Variants in MRPS31 observed in about 807,000 individuals in gnomAD.
The protein encoded by MRPS31 is small ribosomal subunit protein mS31.
MRPS31 carries 32 observed loss-of-function variants against 43.1 expected under a neutral mutation model. That is an observed-to-expected ratio of 0.74 (90% confidence interval 0.56 to 1.00). The LOEUF (loss-of-function observed/expected upper bound fraction) is 1.00. Ranked by LOEUF, MRPS31 falls within the 50% of genes least tolerant of loss-of-function variation. The pLI is 0.00. For synonymous variants in MRPS31, 165 were observed against 161.6 expected, an observed-to-expected ratio of 1.02 and a Z score of -0.16; for missense variants, 437 against 466.7, an observed-to-expected ratio of 0.94 and a Z score of 0.59.
intron 2 of MRPS31, among the ~76,000 whole-genome samples, chr13:40,759,508 T>C (rs1465223042): frequency 6.6e-6 from 1 of 152,148 alleles, no homozygotes; most frequent in Admixed American, 6.5e-5. Context: ...ACACCATTAG[T>C]TTAGTGAAAA....
chr13:40,754,055 CA>C lies in MRPS31; in HGVS notation c.777del (p.Phe259LeufsTer3). On this transcript the variant is annotated frameshift_variant, in exon 5 of 7. Coordinates refer to ENST00000323563, the MANE Select transcript of MRPS31 (RefSeq NM_005830.4). LOFTEE classifies it high-confidence loss of function. ...GCTTCTTTAGTAACTGCCATCATGT[CA>C]AAAATATTAAGTCTTTTCCCTGTGA... ...NIFTGKRLNI[F>X]DMMAVTKEAP... The C allele has an allele frequency of 6.3e-7, 1 of 1,599,188 alleles. No homozygotes were observed. The highest frequency in any genetic ancestry group is 1.7e-5 in the Admixed American group (1 of 58,276).
chr13:40,749,325 T>C, intron 5 of MRPS31, 44 bp from the exon 6 acceptor site: 1 of 1,459,440 alleles, frequency 6.9e-7, no homozygotes, highest in Non-Finnish European at 9.1e-7. Flanking sequence ...TCAATGTAAG[T>C]ATCTTTTTTT....
intron 6 of MRPS31, among the ~76,000 whole-genome samples, chr13:40,748,645 T>C (rs1041716995): frequency 6.6e-6 from 1 of 152,232 alleles, no homozygotes; most frequent in Admixed American, 6.5e-5. Context: ...ACCTATATTA[T>C]GCAGGCAAAG....
Position 40,771,092 on chromosome 13 carries a change from G to T in MRPS31, c.45C>A (p.Ser15=), listed in dbSNP as rs147648247. The T allele has an allele frequency of 3.1e-6, 5 of 1,613,824 alleles. No individual in the cohort carries two copies. The African/African-American group carries it at 6.7e-5, about 22-fold the overall frequency. The change falls in exon 1 of 7, where the codon TCC becomes TCA. Residue 15 remains serine (S), a synonymous_variant. Transcript: ENST00000323563. Reference sequence around the variant, plus strand: ...GGCTTCCAGAGGACAAAGGGTGGCGGGAAAGGGGGCGAAGAGGTAGGAACG... The same window carrying T: ...GGCTTCCAGAGGACAAAGGGTGGCGTGAAAGGGGGCGAAGAGGTAGGAACG... ...VSTFLPLRPL[S]RHPLSSGSPE... is the part of the protein sequence containing the mutation.
At chr13:40,769,373 C>CACAT (rs1880938655) in intron 1 of MRPS31, among the ~76,000 whole-genome samples, 1 of 65,600 alleles carries the variant, frequency 1.5e-5, no homozygotes, top group African/African-American at 4.5e-5. Context: ...AGACTCTGTC[C>CACAT]ATATATATAT....
At chr13:40,750,774 T>TATA in intron 5 of MRPS31, among the ~76,000 whole-genome samples, 1 of 127,996 alleles carries the variant, frequency 7.8e-6, no homozygotes, top group South Asian at 2.6e-4. Context: ...ATATATATAT[T>TATA]ACATATATAT....
At chr13:40,735,087 G>A (rs113218351) in intron 6 of MRPS31, among the ~76,000 whole-genome samples, 25,385 of 152,168 alleles carry the variant, frequency 0.17, 2,234 homozygotes, top group South Asian at 0.29. Context: ...CACCTTGCGC[G>A]AGCCGAAAGA....
chr13:40,768,365 C>G (rs542451435), intron 1 of MRPS31, among the ~76,000 whole-genome samples: 7 of 139,388 alleles, frequency 5.0e-5, no homozygotes, highest in Admixed American at 1.5e-4. Context: ...CCCCCACCCC[C>G]CAACTAGGAG....
rs1159862645 is a variant in MRPS31, at chr13:40,732,994, GTTTTTTTTTTTTT to G, written c.959-3406_959-3394del. On this transcript the variant is annotated intron_variant, in intron 6 of 6. Transcript: ENST00000323563. ...AAGAAGAACAGCAACAATGCATTTG[GTTTTTTTTTTTTT>G]TTTTTTTTTTTTTTGAGAGGGAGTT... Among the ~76,000 whole-genome samples the G allele has an allele frequency of 2.0e-4, 17 of 84,538 alleles. 1 individual carries two copies. The highest frequency in any genetic ancestry group is 9.3e-4 in the African/African-American group (16 of 17,208). 55.5% of individuals were successfully genotyped at this position (84,538 alleles called of 152,430 possible).
At position 40,729,855 on chromosome 13, in the gene MRPS31, G is replaced by A. The variant is rs554861965; in HGVS notation, c.959-254C>T. 5.4e-4 allele frequency among the ~76,000 whole-genome samples: 82 copies of A among 151,384 alleles called. 1 individual carries two copies. Among genetic ancestry groups the A allele is most frequent in the South Asian group, 1.0e-3 (5 of 4,788 alleles). ...TGCGATTCTCCTGCCTCAGCCTCCC[G>A]AGTAGCTGGGACTACAGGCATGTAC... On this transcript the variant is annotated intron_variant, in intron 6 of 6. Coordinates refer to ENST00000323563, the MANE Select transcript of MRPS31 (RefSeq NM_005830.4).
At chr13:40,770,755 T>C in intron 1 of MRPS31, 2 of 517,470 alleles carry the variant, frequency 3.9e-6, no homozygotes, top group Non-Finnish European at 6.9e-6. Context: ...TGACAGGAGA[T>C]GATGACAAGA....
At chr13:40,739,012 A>G (rs1880004013) in intron 6 of MRPS31, among the ~76,000 whole-genome samples, 1 of 152,236 alleles carries the variant, frequency 6.6e-6, no homozygotes, top group African/African-American at 2.4e-5. Context: ...CTGTTTGCAG[A>G]TGACATGATT....
chr13:40,762,907 T>C (rs1470700747), intron 2 of MRPS31, among the ~76,000 whole-genome samples: 1 of 152,042 alleles, frequency 6.6e-6, no homozygotes, highest in East Asian at 1.9e-4. Context: ...GACTTTGTTT[T>C]GTTCAATGTC....
At chr13:40,737,054 A>G (rs1879934404) in intron 6 of MRPS31, among the ~76,000 whole-genome samples, 1 of 152,056 alleles carries the variant, frequency 6.6e-6, no homozygotes, top group Non-Finnish European at 1.5e-5. Flanking sequence ...GTGCAGACAC[A>G]CACATAGGCT....
intron 6 of MRPS31, among the ~76,000 whole-genome samples, chr13:40,738,973 A>G (rs1880002673): frequency 6.6e-6 from 1 of 152,202 alleles, no homozygotes; most frequent in Admixed American, 6.5e-5. Flanking sequence ...AAGGGTATTC[A>G]ATTAGGAAAA....
chr13:40,737,327 A>C (rs1243630543), intron 6 of MRPS31, among the ~76,000 whole-genome samples: 1 of 152,098 alleles, frequency 6.6e-6, no homozygotes, highest in African/African-American at 2.4e-5. Context: ...CCCACACATT[A>C]ATAATGGGAG....
At chr13:40,733,146 G>C (rs1299781693) in intron 6 of MRPS31, among the ~76,000 whole-genome samples, 8 of 151,922 alleles carry the variant, frequency 5.3e-5, no homozygotes, top group Admixed American at 3.9e-4. Flanking sequence ...TGGGATTACA[G>C]GCACTCACCA....
intron 6 of MRPS31, among the ~76,000 whole-genome samples, chr13:40,744,622 C>T (rs1272223718): frequency 2.0e-5 from 3 of 152,056 alleles, no homozygotes; most frequent in Non-Finnish European, 2.9e-5. Context: ...AGTGCAGTGG[C>T]GCGACCTCTG....
intron 5 of MRPS31, among the ~76,000 whole-genome samples, chr13:40,750,996 C>G (rs1800174743): frequency 6.6e-6 from 1 of 151,956 alleles, no homozygotes. Flanking sequence ...GCCAAGCCCC[C>G]ACTAAAGCAT....
Sources: gnomAD v4.1 joint callset for allele counts (sites outside exome capture counted in the v4.1 genomes callset) on GRCh38, gnomAD v4.1.1 for gene constraint, MANE v1.5 for transcripts, NCBI Gene and HGNC (gene_info 2026-07-23, HGNC 2026-07-21) for gene names.